CDK13: variants seen among roughly 807,000 people sequenced by gnomAD.
The protein encoded by CDK13 is cyclin dependent kinase 13, also known as cyclin-dependent kinase 13.
In CDK13, 40 loss-of-function variants were observed where a neutral mutation model predicts 137.6. The ratio of observed to expected loss-of-function variants is 0.29; its 90% CI spans 0.23 to 0.38. The LOEUF is 0.38. Among genes scored for constraint, CDK13 ranks in the 10% least tolerant of loss-of-function variants. The pLI, the probability that CDK13 is intolerant of heterozygous loss-of-function variation, is 1.00. For missense variants in CDK13, 1,704 were observed against 1,951.8 expected (o/e 0.87, Z 2.39); for synonymous variants, 869 against 760.1 (o/e 1.14, Z -2.36).
chr7:40,052,695 T>C (rs1020634875), intron 7 of CDK13, among the ~76,000 whole-genome samples: 3 of 152,118 alleles, frequency 2.0e-5, no homozygotes, highest in Non-Finnish European at 4.4e-5. Context: ...CAGAACATTG[T>C]TATTGAAAGC....
intron 1 of CDK13, among the ~76,000 whole-genome samples, chr7:39,972,330 T>G (rs988934782): frequency 6.6e-6 from 1 of 152,272 alleles, no homozygotes; most frequent in South Asian, 2.1e-4. Context: ...TTTATTGAAA[T>G]GTATTTCACA....
intron 5 of CDK13, among the ~76,000 whole-genome samples, chr7:40,037,950 A>G (rs571057816): frequency 6.6e-6 from 1 of 152,350 alleles, no homozygotes; most frequent in African/African-American, 2.4e-5. Context: ...TGATAAACAT[A>G]AATCCACCTA....
intron 5 of CDK13, among the ~76,000 whole-genome samples, chr7:40,004,120 A>AT (rs968901578): frequency 5.9e-5 from 9 of 151,922 alleles, no homozygotes; most frequent in African/African-American, 2.2e-4. Context: ...TATGAGCTCT[A>AT]TTTTTTTTAA....
Position 40,093,063 on chromosome 7 carries a change from A to G in CDK13, c.3514A>G (p.Thr1172Ala), listed in dbSNP as rs1205665887. ...TCAGACCATCCAGCCTAAAGTGGAGACTGATGCTGCCCAGGCGGCTGTGCA... is the reference window on the plus strand; with the variant it reads ...TCAGACCATCCAGCCTAAAGTGGAGGCTGATGCTGCCCAGGCGGCTGTGCA... ...SSQTIQPKVETDAAQAAVQSA... is the reference protein window; with the variant it reads ...SSQTIQPKVEADAAQAAVQSA... Residue 1172 changes from threonine (T) to alanine (A), a missense_variant, in exon 13 of 14, where the codon ACT (threonine) becomes GCT (alanine). Thr to Ala is a moderately conservative substitution (Grantham distance 58, BLOSUM62 0). Transcript: ENST00000181839. 3 of 1,614,172 alleles carry G rather than the reference A, an allele frequency of 1.9e-6. No individual in the cohort carries two copies. Among genetic ancestry groups the G allele is most frequent in the East Asian group, 2.2e-5 (1 of 44,888 alleles).
chr7:40,003,791 GAC>G (rs1784743174), intron 5 of CDK13, among the ~76,000 whole-genome samples: 1 of 151,920 alleles, frequency 6.6e-6, no homozygotes, highest in South Asian at 2.1e-4. Context: ...AAGCTTGACA[GAC>G]ACACACATAC....
At chr7:39,996,295 T>C (rs1351264786) in intron 2 of CDK13, among the ~76,000 whole-genome samples, 2 of 152,222 alleles carry the variant, frequency 1.3e-5, no homozygotes, top group Non-Finnish European at 2.9e-5. Context: ...TTTTTCATTA[T>C]GGGACTCAAC....
In CDK13 at chr7:40,094,127, T is replaced by C. The variant is rs746924321; in HGVS notation, c.3689-3T>C. On this transcript the variant is annotated splice_region_variant and splice_polypyrimidine_tract_variant and intron_variant, in intron 13 of 13. Transcript: ENST00000181839. ...GACCTTGTTTTTGCTCTGTTTCACT[T>C]AGGACAAGATGACCTCATCCAGCAT... 1 of 1,612,540 alleles carries C rather than the reference T, an allele frequency of 6.2e-7. No homozygotes were observed. Among genetic ancestry groups the C allele is most frequent in the Non-Finnish European group, 8.5e-7 (1 of 1,179,644 alleles).
At position 39,950,866 on chromosome 7, in the gene CDK13, G is replaced by A; in HGVS notation, c.225G>A (p.Ala75=). The A allele has an allele frequency of 7.3e-7, 1 of 1,368,570 alleles. No individual in the cohort carries two copies. Among genetic ancestry groups the A allele is most frequent in the South Asian group, 1.8e-5 (1 of 56,314 alleles). The allele number at this position is 1,368,570 out of a possible 1,614,324, so 84.8% of individuals were successfully genotyped here. A position where few individuals can be genotyped will look rare whatever the true frequency, so the allele number is the denominator to read the frequency against. Reference sequence around the variant, plus strand: ...CCGCCGCCGCAGCCGCCGCCGCCGCGGCCTCCTCCTCTTGCTTCAGCCCGG... The same window carrying A: ...CCGCCGCCGCAGCCGCCGCCGCCGCAGCCTCCTCCTCTTGCTTCAGCCCGG... ...GTAAAAAAAA[A]ASSSCFSPGP... Residue 75 remains alanine (A), a synonymous_variant, in exon 1 of 14, where the codon GCG becomes GCA. Transcript: ENST00000181839.
chr7:40,006,092 C>T (rs1265103749), intron 5 of CDK13, among the ~76,000 whole-genome samples: 6 of 152,194 alleles, frequency 3.9e-5, no homozygotes, highest in Non-Finnish European at 5.9e-5. Context: ...TTCCTCCTAA[C>T]GCTTTCATCT....
In CDK13 at chr7:40,082,091, G is replaced by A. The variant is rs1786675366; in HGVS notation, c.3029+3240G>A. On this transcript the variant is annotated intron_variant, in intron 11 of 13. Transcript: ENST00000181839. The stretch of plus-strand genomic sequence containing the variant: ...CCAATTTTATTTTTTAGTTCTATAA[G>A]TATGCTTGTAAATTAGCATTTGAGA... Among the ~76,000 whole-genome samples, 3 of 152,138 alleles carry A rather than the reference G, an allele frequency of 2.0e-5. No individual in the cohort carries two copies. In the South Asian group the frequency reaches 6.2e-4, roughly 32 times the overall value.
At chr7:39,985,161 T>C (rs1177285803) in intron 1 of CDK13, 1 of 144,944 alleles carries the variant, frequency 6.9e-6, no homozygotes, top group East Asian at 2.4e-4. Context: ...TTCTACTCTC[T>C]ATCTCCATGA....
rs561132812 is a variant in CDK13, at chr7:39,998,432, C to A, written c.2042+768C>A. 2.5e-5 allele frequency: 3 copies of A among 120,884 alleles called. No homozygotes were observed. In the East Asian group the frequency reaches 6.6e-4, roughly 26 times the overall value. 7.5% of individuals were successfully genotyped at this position (120,884 alleles called of 1,614,324 possible). A position where few individuals can be genotyped will look rare whatever the true frequency, so the allele number is the denominator to read the frequency against. ...ACCAGCCTGAGCAACACAGGGAGAC[C>A]CCATCTCTACCAAAAAAAAAAAAAA... On this transcript the variant is annotated intron_variant, in intron 3 of 13. Coordinates refer to ENST00000181839, the MANE Select transcript of CDK13 (RefSeq NM_003718.5).
At chr7:39,965,195 C>A (rs1469582819) in intron 1 of CDK13, among the ~76,000 whole-genome samples, 1 of 152,100 alleles carries the variant, frequency 6.6e-6, no homozygotes, top group South Asian at 2.1e-4. Context: ...CTTTCTGTCT[C>A]GTTGATCTGT....
At chr7:39,957,014 TAA>T (rs1207212957) in intron 1 of CDK13, among the ~76,000 whole-genome samples, 1 of 152,162 alleles carries the variant, frequency 6.6e-6, no homozygotes, top group African/African-American at 2.4e-5. Context: ...GCTTAAATGA[TAA>T]GAGACACTCC....
chr7:40,002,167 T>C (rs1437603230), intron 5 of CDK13, 136 bp downstream of exon 5: 1 of 566,530 alleles, frequency 1.8e-6, no homozygotes. Context: ...TTTTTAAGTT[T>C]GGTAGAGTTG....
At position 39,981,952 on chromosome 7, in the gene CDK13, C is replaced by T. The variant is rs555867394; in HGVS notation, c.1212-5647C>T. Among the ~76,000 whole-genome samples the T allele has an allele frequency of 2.1e-4, 25 of 119,340 alleles. No homozygotes were observed. The South Asian group carries it at 2.7e-3, about 13-fold the overall frequency. The allele number at this position is 119,340 out of a possible 152,430, so 78.3% of individuals were successfully genotyped here. A position where few individuals can be genotyped will look rare whatever the true frequency, so the allele number is the denominator to read the frequency against. ...GACCACAGGCGCCCGCCACTACGCCCGGCTAATTTTTTTTTTTTTCACTAT... is the reference window on the plus strand; with the variant it reads ...GACCACAGGCGCCCGCCACTACGCCTGGCTAATTTTTTTTTTTTTCACTAT... On this transcript the variant is annotated intron_variant, in intron 1 of 13. Transcript: ENST00000181839.
intron 5 of CDK13, among the ~76,000 whole-genome samples, chr7:40,014,741 C>T (rs1479514734): frequency 6.6e-6 from 1 of 152,186 alleles, no homozygotes; most frequent in East Asian, 1.9e-4. Context: ...CAGGCGTGTG[C>T]CACTGTGTCC....
chr7:39,950,350 A>G lies in CDK13; in HGVS notation c.-292A>G, dbSNP rs1787102543. 2 of 1,174,604 alleles carry G rather than the reference A, an allele frequency of 1.7e-6. No individual in the cohort carries two copies. The highest frequency in any genetic ancestry group is 3.2e-5 in the African/African-American group (2 of 63,092). The allele number at this position is 1,174,604 out of a possible 1,614,324, so 72.8% of individuals were successfully genotyped here. ...AGGACTCGGGACTCCCCCGCAGGTC[A>G]GCGCCCGGCGCATCTGGTGTTTTCG... On this transcript the variant is annotated 5_prime_UTR_variant, in exon 1 of 14. Transcript: ENST00000181839.
At chr7:39,972,545 G>T (rs1203563167) in intron 1 of CDK13, among the ~76,000 whole-genome samples, 1 of 152,088 alleles carries the variant, frequency 6.6e-6, no homozygotes, top group East Asian at 1.9e-4. Flanking sequence ...TACCTATGCT[G>T]GATATTTCAT....
Sources: allele counts gnomAD v4.1 joint callset (sites outside exome capture counted in the v4.1 genomes callset), GRCh38; gene constraint gnomAD v4.1.1; transcripts MANE v1.5; gene names NCBI Gene and HGNC (gene_info 2026-07-23, HGNC 2026-07-21).